The following ANK2 variants were observed in gnomAD, a reference collection of about 807,000 sequenced individuals.
ANK2 encodes the protein ankyrin-2.
ANK2 carries 83 observed loss-of-function variants against 360.5 expected under a neutral mutation model. That is an observed-to-expected ratio of 0.23 (90% CI 0.19 to 0.28). The LOEUF (loss-of-function observed/expected upper bound fraction) is 0.28, where lower values mean the gene tolerates loss of function less well. Among genes scored for constraint, ANK2 ranks in the 10% least tolerant of loss-of-function variants. The pLI, the probability that ANK2 is intolerant of heterozygous loss-of-function variation, is 1.00. For synonymous variants in ANK2, 1,740 were observed against 1,759.5 expected, an observed-to-expected ratio of 0.99 and a Z score of 0.28; for missense variants, 4,201 against 4,795.7, an observed-to-expected ratio of 0.88 and a Z score of 3.66.
intron 1 of ANK2, among the ~76,000 whole-genome samples, chr4:113,145,398 G>A (rs1008853435): frequency 6.6e-6 from 1 of 152,146 alleles, no homozygotes; most frequent in Non-Finnish European, 1.5e-5. Context: ...GTGAATAAGA[G>A]ACAGAGAAGA....
At chr4:112,918,733 T>C (rs1267236482) in intron 2 of ANK2, among the ~76,000 whole-genome samples, 1 of 152,230 alleles carries the variant, frequency 6.6e-6, no homozygotes, top group Non-Finnish European at 1.5e-5. Flanking sequence ...GGATTGCAAA[T>C]GATTTTTTGT....
At chr4:112,770,705 CTCTCTCA>C in the ANK2 span, among the ~76,000 whole-genome samples, 3 of 105,658 alleles carry the variant, frequency 2.8e-5, no homozygotes, top group African/African-American at 1.5e-4. Flanking sequence ...GACTCTCTCT[CTCTCTCA>C]AAAAAAAAAA....
chr4:113,292,343 A>G, intron 20 of ANK2, 73 bp from the exon 21 acceptor site: 1 of 1,333,792 alleles, frequency 7.5e-7, no homozygotes, highest in Non-Finnish European at 1.1e-6. Context: ...AGACTATTCA[A>G]AATGAAGGCT....
At chr4:112,995,058 C>T (rs553581035) in intron 2 of ANK2, among the ~76,000 whole-genome samples, 13 of 152,264 alleles carry the variant, frequency 8.5e-5, no homozygotes, top group South Asian at 4.2e-4. Flanking sequence ...AATAGTGCTG[C>T]GATGAACATA....
chr4:113,118,721 A>AT (rs1419804907), intron 1 of ANK2, among the ~76,000 whole-genome samples: 2 of 152,200 alleles, frequency 1.3e-5, no homozygotes, highest in African/African-American at 4.8e-5. Flanking sequence ...ATTATTAGCC[A>AT]TTTTGTGGAG....
intron 24 of ANK2, 25 bp from the exon 25 acceptor site, chr4:113,317,682 C>A (rs1250280146): frequency 2.5e-6 from 4 of 1,576,814 alleles, no homozygotes; most frequent in Non-Finnish European, 2.6e-6. Flanking sequence ...TTGGTATATG[C>A]CATGGCCTCC....
intron 17 of ANK2, among the ~76,000 whole-genome samples, chr4:113,281,830 C>T (rs182053249): frequency 2.6e-5 from 4 of 152,136 alleles, no homozygotes; most frequent in East Asian, 3.9e-4. Flanking sequence ...AACTCCCGCC[C>T]GAAATAAGTA....
chr4:112,873,211 A>C (rs2073863798), intron 1 of ANK2, among the ~76,000 whole-genome samples: 1 of 151,410 alleles, frequency 6.6e-6, no homozygotes, highest in Non-Finnish European at 1.5e-5. Context: ...TATTTAGTTT[A>C]TTTCTGCCCT....
At chr4:112,939,529 G>T (rs2154245086) in intron 2 of ANK2, among the ~76,000 whole-genome samples, 1 of 151,586 alleles carries the variant, frequency 6.6e-6, no homozygotes, top group Admixed American at 6.6e-5. Context: ...TGGCCAGGCT[G>T]GTCTCAACCT....
intron 1 of ANK2, among the ~76,000 whole-genome samples, chr4:113,082,181 A>ACTTACCAATACTAC (rs1451579861): frequency 9.9e-5 from 15 of 152,218 alleles, no homozygotes; most frequent in Admixed American, 2.0e-4. Context: ...TACTTACCAA[A>ACTTACCAATACTAC]TTACATTTTT....
rs34667216 is a variant in ANK2 at position 113,149,874 on chromosome 4, C to CAAAAAAAAAAAAAAAAAAAAAAAA, written c.85-24539_85-24516dup. Among the ~76,000 whole-genome samples the CAAAAAAAAAAAAAAAAAAAAAAAA allele has an allele frequency of 7.0e-4, 22 of 31,408 alleles. No homozygotes were observed. The East Asian group carries it at 8.1e-3, about 12-fold the overall frequency. The allele number at this position is 31,408 out of a possible 152,430, so 20.6% of individuals were successfully genotyped here. On this transcript the variant is annotated intron_variant, in intron 1 of 45. Coordinates refer to ENST00000357077, the MANE Select transcript of ANK2 (RefSeq NM_001148.6). ...CTTGCGTGAGAGTGAGACCCTGCCTCAAAAAAAAAAAAAAAAAAAAAAAAA... is the reference window on the plus strand; with the variant it reads ...CTTGCGTGAGAGTGAGACCCTGCCTCAAAAAAAAAAAAAAAAAAAAAAAAAAAAAAAAAAAAAAAAAAAAAAAAA...
intron 1 of ANK2, among the ~76,000 whole-genome samples, chr4:112,856,164 C>T (rs1364157136): frequency 1.3e-5 from 2 of 152,092 alleles, no homozygotes; most frequent in Non-Finnish European, 2.9e-5. Flanking sequence ...AAATTACATC[C>T]TTAGACAACT....
rs2079918430 is a variant in ANK2 at position 113,311,462 on chromosome 4, A to G, written c.2693+63A>G. ...TATGTGCAACATATTTTTTATGATG[A>G]TGATAAAAATGTAGATGCAATTATT... On this transcript the variant is annotated intron_variant, in intron 24 of 45. Coordinates refer to ENST00000357077, the MANE Select transcript of ANK2 (RefSeq NM_001148.6). 4 of 1,581,468 alleles carry G rather than the reference A, an allele frequency of 2.5e-6. No homozygotes were observed. The Admixed American group carries it at 6.8e-5, about 27-fold the overall frequency.
At chr4:112,831,322 T>C (rs1299220832) in intron 1 of ANK2, among the ~76,000 whole-genome samples, 1 of 152,038 alleles carries the variant, frequency 6.6e-6, no homozygotes, top group East Asian at 1.9e-4. Flanking sequence ...GGATTGTAAA[T>C]GCACCAATCA....
chr4:113,169,599 C>T (rs761294297), intron 1 of ANK2, among the ~76,000 whole-genome samples: 11 of 152,022 alleles, frequency 7.2e-5, no homozygotes, highest in Non-Finnish European at 1.0e-4. Flanking sequence ...GAGACTGTGA[C>T]GGGGGAGGTG....
At chr4:113,184,339 A>G (rs1006739552) in intron 2 of ANK2, among the ~76,000 whole-genome samples, 1 of 151,724 alleles carries the variant, frequency 6.6e-6, no homozygotes, top group African/African-American at 2.4e-5. Context: ...GGGATAGAGG[A>G]CATGATAAGT....
At chr4:112,919,632 C>T (rs2090934639) in intron 2 of ANK2, among the ~76,000 whole-genome samples, 1 of 151,732 alleles carries the variant, frequency 6.6e-6, no homozygotes, top group Non-Finnish European at 1.5e-5. Flanking sequence ...ATTTATTTTC[C>T]TTAACAAAAA....
At chr4:112,808,762 A>G in the ANK2 span, among the ~76,000 whole-genome samples, 1 of 152,262 alleles carries the variant, frequency 6.6e-6, no homozygotes, top group Admixed American at 6.5e-5. Context: ...ACTGGTACAG[A>G]CAAATCAATG....
intron 2 of ANK2, among the ~76,000 whole-genome samples, chr4:112,905,675 T>G (rs551858279): frequency 6.6e-6 from 1 of 152,326 alleles, no homozygotes; most frequent in East Asian, 1.9e-4. Flanking sequence ...TTTGTTTTGT[T>G]TTTTGAGACA....
Sources: allele counts gnomAD v4.1 joint callset (sites outside exome capture counted in the v4.1 genomes callset), GRCh38; gene constraint gnomAD v4.1.1; transcripts MANE v1.5; gene names NCBI Gene and HGNC (gene_info 2026-07-23, HGNC 2026-07-21).